The following HAGH variants were observed in gnomAD, a reference collection of about 807,000 sequenced individuals.
HAGH encodes hydroxyacylglutathione hydrolase, mitochondrial.
HAGH carries 29 observed loss-of-function variants against 35.1 expected under a neutral mutation model. The observed-to-expected ratio is 0.83, with a 90% CI of 0.62 to 1.13. The LOEUF is 1.13. Ranked by LOEUF, HAGH falls within the 50% of genes most tolerant of loss-of-function variation. The probability of loss-of-function intolerance (pLI) is 0.00; values close to 1 mark genes in which losing one functional copy is unlikely to be tolerated. For synonymous variants in HAGH, 225 were observed against 176.1 expected, an observed-to-expected ratio of 1.28 and a Z score of -2.20; for missense variants, 478 against 419.6, an observed-to-expected ratio of 1.14 and a Z score of -1.22.
At chr16:1,820,943 C>T (rs1177932650) in intron 3 of HAGH, among the ~76,000 whole-genome samples, 1 of 152,148 alleles carries the variant, frequency 6.6e-6, no homozygotes, top group African/African-American at 2.4e-5. Context: ...GTTAGAGGGG[C>T]CGGGGAACTA....
intron 4 of HAGH, 136 bp from the exon 5 acceptor site, chr16:1,819,359 C>T: frequency 1.6e-6 from 1 of 613,978 alleles, no homozygotes; most frequent in South Asian, 2.0e-5. Context: ...GGCAGGTGCT[C>T]CCCACCACGG....
chr16:1,811,191 A>G (rs368863578), intron 7 of HAGH, among the ~76,000 whole-genome samples: 121 of 152,294 alleles, frequency 7.9e-4, no homozygotes, highest in African/African-American at 2.8e-3. Context: ...AGGTGGGTGG[A>G]TTGCCTGAAC....
In HAGH at chr16:1,819,661, C is replaced by A. The variant is rs575081556; in HGVS notation, c.432+236G>T. 4.6e-5 allele frequency among the ~76,000 whole-genome samples: 7 copies of A among 152,338 alleles called. No homozygotes were observed. The South Asian group carries it at 1.4e-3, about 32-fold the overall frequency. ...TGCTCTGGCACCAAGACCCTGCCCA[C>A]ATGGCCCGCTCCCCAGGGTCTCAGA... On this transcript the variant is annotated intron_variant, in intron 4 of 8. Transcript: ENST00000397356.
chr16:1,826,143 T>C (rs985789838), intron 1 of HAGH, among the ~76,000 whole-genome samples: 9 of 152,112 alleles, frequency 5.9e-5, no homozygotes, highest in African/African-American at 1.9e-4. Flanking sequence ...CAGGGACGCC[T>C]CCCTGTCTGC....
In HAGH at chr16:1,826,766, G is replaced by A. The variant is rs1445122467; in HGVS notation, c.22C>T (p.Leu8Phe). 5 of 1,209,538 alleles carry A rather than the reference G, an allele frequency of 4.1e-6. No individual in the cohort carries two copies. The highest frequency in any genetic ancestry group is 8.2e-5 in the South Asian group (2 of 24,428). 74.9% of individuals were successfully genotyped at this position (1,209,538 alleles called of 1,614,324 possible). Residue 8 changes from leucine (L) to phenylalanine (F), a missense_variant, in exon 1 of 9, where the codon CTC becomes TTC. Coordinates refer to ENST00000397356, the MANE Select transcript of HAGH (RefSeq NM_005326.6). ...AGCGCGGCGAGGCTGCGGCGGCCGA[G>A]CAGCCCTCGGCCCACCACCATGACC... MVVGRGL[L>F]GRRSLAALGA...
intron 7 of HAGH, among the ~76,000 whole-genome samples, chr16:1,814,758 C>T (rs1361733560): frequency 6.6e-6 from 1 of 151,212 alleles, no homozygotes; most frequent in Non-Finnish European, 1.5e-5. Flanking sequence ...ATTAGCTGGG[C>T]GTGGTGACGG....
intron 7 of HAGH, among the ~76,000 whole-genome samples, chr16:1,815,082 G>A (rs1171438736): frequency 6.6e-6 from 1 of 151,746 alleles, no homozygotes; most frequent in South Asian, 2.1e-4. Flanking sequence ...TCATGAGAAG[G>A]CATCCAAAGG....
At chr16:1,825,387 C>A (rs1292623611) in intron 1 of HAGH, among the ~76,000 whole-genome samples, 1 of 152,168 alleles carries the variant, frequency 6.6e-6, no homozygotes, top group Admixed American at 6.5e-5. Flanking sequence ...GCCTTTATTT[C>A]TGAGGAAAGA....
chr16:1,817,881 A>G (rs539127419), intron 5 of HAGH, among the ~76,000 whole-genome samples: 1 of 152,328 alleles, frequency 6.6e-6, no homozygotes, highest in South Asian at 2.1e-4. Flanking sequence ...CGTCTGCCCC[A>G]GAAACAGGGC....
At chr16:1,814,007 CCT>C (rs1897776329) in intron 7 of HAGH, among the ~76,000 whole-genome samples, 1 of 152,136 alleles carries the variant, frequency 6.6e-6, no homozygotes, top group Non-Finnish European at 1.5e-5. Context: ...AGAGGGTGAA[CCT>C]CTACCCTCAC....
At chr16:1,823,145 A>G (rs906590885) in intron 1 of HAGH, 108 bp from the exon 2 acceptor site, 44 of 961,312 alleles carry the variant, frequency 4.6e-5, no homozygotes, top group Non-Finnish European at 6.5e-5. Context: ...GAAAAGGAAT[A>G]TTCTGGCCAG....
intron 3 of HAGH, chr16:1,822,079 T>C: frequency 1.8e-6 from 1 of 568,674 alleles, no homozygotes. Context: ...AGGGTAAGGC[T>C]GTAACCTTCT....
chr16:1,823,275 CT>C (rs4017982), intron 1 of HAGH, among the ~76,000 whole-genome samples: 6 of 141,762 alleles, frequency 4.2e-5, no homozygotes, highest in African/African-American at 7.7e-5. Context: ...TTTTTTTTTT[CT>C]TTTTTTTTTG....
At chr16:1,815,304 C>T (rs1281051683) in intron 7 of HAGH, among the ~76,000 whole-genome samples, 1 of 152,164 alleles carries the variant, frequency 6.6e-6, no homozygotes, top group Non-Finnish European at 1.5e-5. Flanking sequence ...TTTAACCACA[C>T]AACACAGCAA....
At chr16:1,825,577 A>C (rs1477716215) in intron 1 of HAGH, among the ~76,000 whole-genome samples, 1 of 152,022 alleles carries the variant, frequency 6.6e-6, no homozygotes, top group African/African-American at 2.4e-5. Context: ...TTGGCCCCAA[A>C]AACAAAAAAA....
At chr16:1,820,360 G>C (rs1898102764) in intron 3 of HAGH, among the ~76,000 whole-genome samples, 1 of 151,530 alleles carries the variant, frequency 6.6e-6, no homozygotes, top group Admixed American at 6.6e-5. Flanking sequence ...GCCTGGGGTG[G>C]ATTTCTTGTC....
chr16:1,821,164 T>C (rs2142045896), intron 3 of HAGH, among the ~76,000 whole-genome samples: 1 of 152,264 alleles, frequency 6.6e-6, no homozygotes, highest in Non-Finnish European at 1.5e-5. Context: ...CCAGGGAGGC[T>C]GCAGGCACCG....
chr16:1,819,825 G>A (rs897151238), intron 4 of HAGH, 72 bp downstream of exon 4: 3 of 900,540 alleles, frequency 3.3e-6, no homozygotes, highest in Non-Finnish European at 5.6e-6. Flanking sequence ...CAGAGAGAAT[G>A]CGGGGAGGGA....
At chr16:1,820,822 A>G (rs375965854) in intron 3 of HAGH, among the ~76,000 whole-genome samples, 274 of 152,198 alleles carry the variant, frequency 1.8e-3, no homozygotes, top group African/African-American at 6.3e-3. Context: ...ACCCTTCAGG[A>G]GGGCGCGGCA....
Sources: gnomAD v4.1 joint callset for allele counts (sites outside exome capture counted in the v4.1 genomes callset) on GRCh38, gnomAD v4.1.1 for gene constraint, MANE v1.5 for transcripts, NCBI Gene and HGNC (gene_info 2026-07-23, HGNC 2026-07-21) for gene names.